Variants in TDP1 observed in about 807,000 individuals in gnomAD.
TDP1 encodes tyrosyl-DNA phosphodiesterase 1, also known as tyr-DNA phosphodiesterase 1.
In TDP1, 64 loss-of-function variants were observed where a neutral mutation model predicts 81.5. The ratio of observed to expected loss-of-function variants is 0.79; its 90% CI spans 0.64 to 0.97. TDP1 has a LOEUF of 0.97. Ranked by LOEUF, TDP1 falls within the 50% of genes least tolerant of loss-of-function variation. The pLI is 0.00. For missense variants in TDP1, 723 were observed against 743.8 expected (o/e 0.97, Z 0.33); for synonymous variants, 256 against 264.3 (o/e 0.97, Z 0.30).
chr14:89,980,192 T>C (rs1369104636), intron 7 of TDP1: 1 of 985,316 alleles, frequency 1.0e-6, no homozygotes, highest in Non-Finnish European at 1.2e-6. Context: ...GACCATACTT[T>C]GAATCTCAAA....
At chr14:89,959,919 T>C (rs1222163113) in intron 2 of TDP1, among the ~76,000 whole-genome samples, 1 of 152,224 alleles carries the variant, frequency 6.6e-6, no homozygotes, top group Non-Finnish European at 1.5e-5. Context: ...TGGTAGCCTC[T>C]TAAGATTCTG....
rs1048747857 is a variant in TDP1, at chr14:90,007,581, CCT to C, written c.1542-11734_1542-11733del. On this transcript the variant is annotated intron_variant, in intron 14 of 16. Transcript: ENST00000335725. ...TCCAACCTGGGTAATAGAGCAAGAC[CCT>C]GTCTCGGGGCGGGAAACTGGGACAA... Among the ~76,000 whole-genome samples the C allele has an allele frequency of 4.4e-4, 67 of 151,980 alleles. 1 individual carries two copies. Among genetic ancestry groups the C allele is most frequent in the Admixed American group, 4.2e-3 (64 of 15,236 alleles).
intron 14 of TDP1, among the ~76,000 whole-genome samples, chr14:90,005,468 A>G (rs991574878): frequency 6.6e-6 from 1 of 152,240 alleles, no homozygotes; most frequent in African/African-American, 2.4e-5. Context: ...TAACAACCAT[A>G]TCATAGTTCT....
Position 90,033,037 on chromosome 14 carries a change from G to A in TDP1, c.1645-69G>A, listed in dbSNP as rs1596710972. 9.9e-6 allele frequency: 12 copies of A among 1,215,754 alleles called. No individual in the cohort carries two copies. In the Admixed American group the frequency reaches 1.3e-4, roughly 13 times the overall value. 75.3% of individuals were successfully genotyped at this position (1,215,754 alleles called of 1,614,324 possible). On this transcript the variant is annotated intron_variant, in intron 15 of 16. Transcript: ENST00000335725. ...CATAAAGATATTATTGCTTCTTGAGGCCTTCTGGTTTTTTTTTTTAAACCC... is the reference window on the plus strand; with the variant it reads ...CATAAAGATATTATTGCTTCTTGAGACCTTCTGGTTTTTTTTTTTAAACCC...
intron 6 of TDP1, among the ~76,000 whole-genome samples, chr14:89,973,822 G>A (rs1244817991): frequency 6.6e-6 from 1 of 152,086 alleles, no homozygotes; most frequent in African/African-American, 2.4e-5. Context: ...TCTGGAAGCT[G>A]GGAATTCAGG....
rs7150480 is a variant in TDP1 at position 90,043,536 on chromosome 14, T to C, written c.*393T>C. 0.033 allele frequency: 10,449 copies of C among 319,294 alleles called. 247 individuals carry two copies. Among genetic ancestry groups the C allele is most frequent in the South Asian group, 0.066 (2,068 of 31,566 alleles). The allele number at this position is 319,294 out of a possible 1,614,324, so 19.8% of individuals were successfully genotyped here. On this transcript the variant is annotated 3_prime_UTR_variant, in exon 17 of 17. Transcript: ENST00000335725. ...GACCCAAATCTAAACACAAAATTCA[T>C]TTATGTTTCATATACACCTTATATA...
intron 14 of TDP1, chr14:90,018,930 C>T (rs1885637405): frequency 1.0e-6 from 1 of 966,822 alleles, no homozygotes. Flanking sequence ...GATACTACTA[C>T]ATAAGATAAT....
intron 14 of TDP1, among the ~76,000 whole-genome samples, chr14:90,001,225 C>G (rs1897164078): frequency 1.3e-5 from 2 of 152,102 alleles, no homozygotes; most frequent in African/African-American, 4.8e-5. Flanking sequence ...AAAATGCTAG[C>G]CTTAATATAG....
At chr14:90,025,681 A>C (rs1886566113) in intron 15 of TDP1, among the ~76,000 whole-genome samples, 1 of 152,194 alleles carries the variant, frequency 6.6e-6, no homozygotes, top group East Asian at 1.9e-4. Context: ...TGTCCCTTTA[A>C]GTGTATTTAA....
chr14:89,974,805 T>G (rs771006435), intron 6 of TDP1, among the ~76,000 whole-genome samples: 12 of 152,234 alleles, frequency 7.9e-5, no homozygotes, highest in Non-Finnish European at 1.8e-4. Context: ...GCCCATGTAC[T>G]GCGTTCCTAA....
intron 14 of TDP1, among the ~76,000 whole-genome samples, chr14:90,008,208 C>G (rs1442549501): frequency 6.6e-6 from 1 of 152,196 alleles, no homozygotes; most frequent in Non-Finnish European, 1.5e-5. Flanking sequence ...TTCCTTCTTG[C>G]AACTCTTATG....
intron 6 of TDP1, among the ~76,000 whole-genome samples, chr14:89,972,527 G>A (rs886395745): frequency 6.8e-6 from 1 of 148,130 alleles, no homozygotes; most frequent in Non-Finnish European, 1.5e-5. Flanking sequence ...CCATAATTTT[G>A]TCCTAATACT....
intron 10 of TDP1, among the ~76,000 whole-genome samples, chr14:89,987,490 G>A (rs1895695995): frequency 6.6e-6 from 1 of 152,210 alleles, no homozygotes; most frequent in African/African-American, 2.4e-5. Context: ...AGCAGAAAGT[G>A]GACACTTTTA....
chr14:90,033,090 C>T lies in TDP1; in HGVS notation c.1645-16C>T, dbSNP rs1887469322. On this transcript the variant is annotated splice_polypyrimidine_tract_variant and intron_variant, in intron 15 of 16. Transcript: ENST00000335725. ...AAAATGGGGTGCAATCATAGATTTC[C>T]TCTGTGTGTCTGCAGGGTCTAGACA... The T allele has an allele frequency of 1.9e-6, 3 of 1,557,548 alleles. No homozygotes were observed. Among genetic ancestry groups the T allele is most frequent in the Non-Finnish European group, 2.7e-6 (3 of 1,129,274 alleles).
rs772805787 is a variant in TDP1 at position 89,981,437 on chromosome 14, C to CT, written c.884+806dup. 8.4e-5 allele frequency: 38 copies of CT among 454,066 alleles called. No homozygotes were observed. The East Asian group carries it at 2.7e-3, about 32-fold the overall frequency. The allele number at this position is 454,066 out of a possible 1,614,324, so 28.1% of individuals were successfully genotyped here. A position where few individuals can be genotyped will look rare whatever the true frequency, so the allele number is the denominator to read the frequency against. On this transcript the variant is annotated intron_variant, in intron 8 of 16. Coordinates refer to ENST00000335725, the MANE Select transcript of TDP1 (RefSeq NM_018319.4). ...GTTCAGCTATTGTTCTTGATTATGA[C>CT]TAACTTTAATTTTCTTTTGTTTAAG...
chr14:90,004,290 C>T (rs936807024), intron 14 of TDP1, among the ~76,000 whole-genome samples: 11 of 152,180 alleles, frequency 7.2e-5, no homozygotes, highest in African/African-American at 2.7e-4. Flanking sequence ...TGTACACTGG[C>T]ATTGCTAGTC....
At chr14:89,969,599 CTGTT>C (rs1205764101) in intron 5 of TDP1, among the ~76,000 whole-genome samples, 3 of 152,054 alleles carry the variant, frequency 2.0e-5, no homozygotes, top group Non-Finnish European at 4.4e-5. Flanking sequence ...TTACATTATT[CTGTT>C]TTTCTTACCT....
Position 90,043,682 on chromosome 14 carries a change from G to A in TDP1, c.*539G>A, listed in dbSNP as rs35090050. The stretch of plus-strand genomic sequence containing the variant: ...TCAGGCATGGAAATTTTCATTTGGA[G>A]CATCATGTCAGCACTCAAAAAGTTC... On this transcript the variant is annotated 3_prime_UTR_variant, in exon 17 of 17. Transcript: ENST00000335725. The A allele has an allele frequency of 0.017, 2,907 of 171,468 alleles. 84 individuals carry two copies. The highest frequency in any genetic ancestry group is 0.065 in the African/African-American group (2,693 of 41,652). The allele number at this position is 171,468 out of a possible 1,614,324, so 10.6% of individuals were successfully genotyped here.
In TDP1 at chr14:89,984,535, T is replaced by C. The variant is rs375817400; in HGVS notation, c.904T>C (p.Tyr302His). 31 of 1,614,190 alleles carry C rather than the reference T, an allele frequency of 1.9e-5. No individual in the cohort carries two copies. In the Middle Eastern group the frequency reaches 4.9e-4, roughly 26 times the overall value. ...TTCCAGAATATGGTTGAGCCCCTTA[T>C]ACCCACGAATTGCTGATGGAACCCA... ...KTQGIWLSPL[Y>H]PRIADGTHKS... Residue 302 changes from tyrosine (Y) to histidine (H), a missense_variant, in exon 9 of 17, where the codon TAC (tyrosine) becomes CAC (histidine). Physicochemically the swap from Tyr to His is moderately conservative, Grantham distance 83 (BLOSUM62 2). Coordinates refer to ENST00000335725, the MANE Select transcript of TDP1 (RefSeq NM_018319.4).
Sources: gnomAD v4.1 joint callset for allele counts (sites outside exome capture counted in the v4.1 genomes callset) on GRCh38, gnomAD v4.1.1 for gene constraint, MANE v1.5 for transcripts, NCBI Gene and HGNC (gene_info 2026-07-23, HGNC 2026-07-21) for gene names.